The following C16orf96 variants were observed in gnomAD, a reference collection of about 807,000 sequenced individuals.
C16orf96 encodes uncharacterized protein C16orf96.
C16orf96 carries 108 observed loss-of-function variants against 103.6 expected under a neutral mutation model. That is an observed-to-expected ratio of 1.04 (90% confidence interval 0.89 to 1.22). C16orf96 has a LOEUF of 1.22. Ranked by LOEUF, C16orf96 falls within the 50% of genes most tolerant of loss-of-function variation. C16orf96 has a pLI of 0.00. For missense variants in C16orf96, 1,586 were observed against 1,464.2 expected (o/e 1.08, Z -1.36); for synonymous variants, 566 against 593.5 (o/e 0.95, Z 0.67).
chr16:4,599,403 C>A, intron 15 of C16orf96, 39 bp downstream of exon 15: 1 of 1,511,420 alleles, frequency 6.6e-7, no homozygotes, highest in South Asian at 1.2e-5. Context: ...AGCTGTGATT[C>A]TGGAAGGGTC....
chr16:4,545,886 G>C, the C16orf96 span, among the ~76,000 whole-genome samples: 4 of 152,040 alleles, frequency 2.6e-5, no homozygotes, highest in African/African-American at 7.2e-5. Flanking sequence ...ATCTCGCTCT[G>C]TTGCCCAGGC....
In C16orf96 at chr16:4,576,614, A is replaced by G; in HGVS notation, c.2134A>G (p.Asn712Asp). ...ATTTGCCCAGCTGTCCTGTAACCTG[A>G]ACCAGCGCTTGAGTTATCTAGGTAG... Reference protein sequence around the residue: ...EEFAQLSCNLNQRLSYLANMG... With the variant: ...EEFAQLSCNLDQRLSYLANMG... The change falls in exon 5 of 16, where the codon AAC (asparagine) becomes GAC (aspartate). Residue 712 changes from asparagine to aspartate, a missense_variant. Transcript: ENST00000444310. 1 of 1,551,318 alleles carries G rather than the reference A, an allele frequency of 6.4e-7. No individual in the cohort carries two copies.
chr16:4,576,192 CCGCCGCTGCCGCCGCAGCCTA>C lies in C16orf96; in HGVS notation c.1723_1743del (p.Ala575_Ala581del), dbSNP rs1381129804. 4.5e-6 allele frequency: 7 copies of C among 1,550,338 alleles called. No homozygotes were observed. Among genetic ancestry groups the C allele is most frequent in the African/African-American group, 1.4e-5 (1 of 73,060 alleles). On this transcript the variant is annotated inframe_deletion, in exon 5 of 16. Coordinates refer to ENST00000444310, the MANE Select transcript of C16orf96 (RefSeq NM_001145011.2). ...CGGCTGAAAACCACCGCTGCCATCG[CCGCCGCTGCCGCCGCAGCCTA>C]CGCCGCTGCCACATCCTCCGCTGCC...
At chr16:4,547,728 CTTT>C in the C16orf96 span, among the ~76,000 whole-genome samples, 2 of 107,032 alleles carry the variant, frequency 1.9e-5, no homozygotes, top group African/African-American at 5.9e-5. Context: ...TTCTTTCTTT[CTTT>C]CTTTCTCCTT....
intron 5 of C16orf96, among the ~76,000 whole-genome samples, chr16:4,577,110 G>A (rs977620441): frequency 6.6e-6 from 1 of 152,136 alleles, no homozygotes. Flanking sequence ...AGAATCGCTT[G>A]AACCCAGGAG....
At chr16:4,562,021 T>G (rs1487864021) in intron 1 of C16orf96, among the ~76,000 whole-genome samples, 1 of 152,168 alleles carries the variant, frequency 6.6e-6, no homozygotes, top group African/African-American at 2.4e-5. Context: ...TTAGGGTATT[T>G]TTTTAAATTG....
chr16:4,562,458 T>A (rs1322344311), intron 1 of C16orf96, among the ~76,000 whole-genome samples: 1 of 38,980 alleles, frequency 2.6e-5, no homozygotes, highest in Admixed American at 3.4e-4. Flanking sequence ...AGCAAGACTG[T>A]GTCAAAAAAA....
chr16:4,600,028 T>A, intron 15 of C16orf96, 72 bp from the exon 16 acceptor site: 1 of 1,369,156 alleles, frequency 7.3e-7, no homozygotes, highest in Non-Finnish European at 1.0e-6. Flanking sequence ...TTAGTGGGGA[T>A]GGCCCCATCA....
the C16orf96 span, among the ~76,000 whole-genome samples, chr16:4,544,425 G>A: frequency 1.3e-5 from 2 of 152,110 alleles, no homozygotes; most frequent in Non-Finnish European, 2.9e-5. Context: ...GGGCAACATG[G>A]CAAAACCCGG....
chr16:4,543,932 G>A, the C16orf96 span, among the ~76,000 whole-genome samples: 31 of 152,080 alleles, frequency 2.0e-4, no homozygotes, highest in Admixed American at 6.6e-5. Flanking sequence ...GTGAGCCACC[G>A]CACCCCGCCA....
chr16:4,576,711 C>A (rs1374159586), intron 5 of C16orf96, 76 bp downstream of exon 5: 5 of 1,362,246 alleles, frequency 3.7e-6, no homozygotes, highest in Non-Finnish European at 4.9e-6. Context: ...TGTGTCCTGT[C>A]CTTCACTGGG....
chr16:4,590,535 G>A (rs1897032016), intron 9 of C16orf96, among the ~76,000 whole-genome samples: 1 of 151,102 alleles, frequency 6.6e-6, no homozygotes, highest in Non-Finnish European at 1.5e-5. Flanking sequence ...CTCCAGCCTG[G>A]GCAACAGAAG....
chr16:4,575,246 A>G lies in C16orf96; in HGVS notation c.766A>G (p.Thr256Ala), dbSNP rs779622953. ...QLPEAALAQT[T>A]KYLEATRAIQ... ...CCCAGAGGCTGCCCTGGCCCAGACC[A>G]CCAAGTACCTTGAAGCTACTCGTGC... The change falls in exon 5 of 16, where the codon ACC becomes GCC. Residue 256 changes from threonine (T) to alanine (A), a missense_variant. Physicochemically the swap from Thr to Ala is moderately conservative, Grantham distance 58. Transcript: ENST00000444310. The G allele has an allele frequency of 1.0e-5, 16 of 1,548,982 alleles. No individual in the cohort carries two copies. In the Admixed American group the frequency reaches 2.2e-4, roughly 21 times the overall value.
At chr16:4,551,668 T>TG (rs60616743), upstream of C16orf96, among the ~76,000 whole-genome samples, 152,194 of 152,196 alleles carry the variant, frequency 1, 76,096 homozygotes, top group Middle Eastern at 1. Flanking sequence ...TTAGCCAGGA[T>TG]GTCTCCATCT....
chr16:4,599,337 A>G lies in C16orf96; in HGVS notation c.3181A>G (p.Ser1061Gly). 1 of 1,551,540 alleles carries G rather than the reference A, an allele frequency of 6.4e-7. No individual in the cohort carries two copies. The change falls in exon 15 of 16, where the codon AGT becomes GGT. Residue 1061 changes from serine (S) to glycine (G), a missense_variant. Coordinates refer to ENST00000444310, the MANE Select transcript of C16orf96 (RefSeq NM_001145011.2). ...AAGCCTGTATGACCGTGTGCACTCCAGTGCCCTATTTGGCGCCATCTGCCC... is the reference window on the plus strand; with the variant it reads ...AAGCCTGTATGACCGTGTGCACTCCGGTGCCCTATTTGGCGCCATCTGCCC... The part of the protein sequence containing the change: ...SQSLYDRVHS[S>G]ALFGAICPPL...
At chr16:4,546,568 G>T in the C16orf96 span, among the ~76,000 whole-genome samples, 2 of 149,626 alleles carry the variant, frequency 1.3e-5, no homozygotes, top group African/African-American at 4.9e-5. Flanking sequence ...AAGCTCAAGC[G>T]ATCCTCTTGC....
intron 7 of C16orf96, among the ~76,000 whole-genome samples, chr16:4,581,451 G>C (rs959142333): frequency 6.6e-6 from 1 of 151,314 alleles, no homozygotes; most frequent in African/African-American, 2.4e-5. Flanking sequence ...AGCTAACGTG[G>C]TGAAACCCCA....
rs531420653 is a variant in C16orf96 at position 4,573,512 on chromosome 16, G to A, written c.526-1197G>A. Among the ~76,000 whole-genome samples, 442 of 151,020 alleles carry A rather than the reference G, an allele frequency of 2.9e-3. 3 individuals are homozygous for A. The highest frequency in any genetic ancestry group is 0.01 in the African/African-American group (418 of 41,122). ...TCACGCCTGTAATCTCAGCATTTTG[G>A]GAGGCTGAGGTGGGCAGATCACAAG... is the stretch of plus-strand genomic sequence containing the variant. On this transcript the variant is annotated intron_variant, in intron 2 of 15. Coordinates refer to ENST00000444310, the MANE Select transcript of C16orf96 (RefSeq NM_001145011.2).
At chr16:4,596,484 C>CAAAAA (rs35069884) in intron 14 of C16orf96, among the ~76,000 whole-genome samples, 1 of 118,586 alleles carries the variant, frequency 8.4e-6, no homozygotes, top group African/African-American at 3.5e-5. Flanking sequence ...GACTTCGTCT[C>CAAAAA]AAAAAAAAAA....
Sources: allele counts gnomAD v4.1 joint callset (sites outside exome capture counted in the v4.1 genomes callset), GRCh38; gene constraint gnomAD v4.1.1; transcripts MANE v1.5; gene names NCBI Gene and HGNC (gene_info 2026-07-23, HGNC 2026-07-21).